Variants in WDR70 observed in about 807,000 individuals in gnomAD.
WDR70 encodes WD repeat domain 70.
WDR70 carries 53 observed loss-of-function variants against 88.6 expected under a neutral mutation model. That is an observed-to-expected ratio of 0.60 (90% CI 0.48 to 0.75). The LOEUF is 0.75. Ranked by LOEUF, WDR70 falls within the 30% of genes least tolerant of loss-of-function variation. The probability of loss-of-function intolerance (pLI) is 0.00; values close to 1 mark genes in which losing one functional copy is unlikely to be tolerated. For missense variants in WDR70, 610 were observed against 823.2 expected, an observed-to-expected ratio of 0.74 and a Z score of 3.17; for synonymous variants, 280 against 270.0, an observed-to-expected ratio of 1.04 and a Z score of -0.36.
At chr5:37,607,395 T>C (rs1463072296) in intron 10 of WDR70, among the ~76,000 whole-genome samples, 1 of 152,232 alleles carries the variant, frequency 6.6e-6, no homozygotes, top group African/African-American at 2.4e-5. Flanking sequence ...ATCTGTATTT[T>C]GTGATGATTA....
At chr5:37,381,859 G>C in intron 3 of WDR70, 174 bp downstream of exon 3, 1 of 445,288 alleles carries the variant, frequency 2.2e-6, no homozygotes, top group Non-Finnish European at 4.2e-6. Context: ...TTTGAGACCA[G>C]CCTGGCCAAC....
At chr5:37,579,988 T>G (rs999558176) in intron 9 of WDR70, among the ~76,000 whole-genome samples, 1 of 152,196 alleles carries the variant, frequency 6.6e-6, no homozygotes, top group Admixed American at 6.5e-5. Flanking sequence ...GGTCATACGC[T>G]TCTTGGAAAA....
intron 9 of WDR70, among the ~76,000 whole-genome samples, chr5:37,537,982 C>T (rs1741711859): frequency 6.6e-6 from 1 of 152,162 alleles, no homozygotes; most frequent in African/African-American, 2.4e-5. Flanking sequence ...GCAAAATTCA[C>T]TCTATATTTC....
At chr5:37,483,923 C>T (rs1210232285) in intron 8 of WDR70, among the ~76,000 whole-genome samples, 72 of 144,496 alleles carry the variant, frequency 5.0e-4, no homozygotes, top group Non-Finnish European at 8.2e-4. Context: ...GACGGGGTCG[C>T]GGCCGGGCAG....
chr5:37,559,240 G>A (rs1742411595), intron 9 of WDR70, among the ~76,000 whole-genome samples: 1 of 152,028 alleles, frequency 6.6e-6, no homozygotes, highest in Non-Finnish European at 1.5e-5. Flanking sequence ...CCAATTCTGT[G>A]TATTCTTATG....
chr5:37,582,784 A>G (rs1281655125), intron 9 of WDR70, among the ~76,000 whole-genome samples: 1 of 152,248 alleles, frequency 6.6e-6, no homozygotes, highest in African/African-American at 2.4e-5. Flanking sequence ...CATCTCTGTG[A>G]TTGTTGGTGT....
At chr5:37,552,976 G>T (rs1409202779) in intron 9 of WDR70, among the ~76,000 whole-genome samples, 1 of 152,150 alleles carries the variant, frequency 6.6e-6, no homozygotes, top group Non-Finnish European at 1.5e-5. Context: ...TTTCCTGTAG[G>T]TACTTTTCAG....
chr5:37,417,048 C>G (rs776400580), intron 5 of WDR70, among the ~76,000 whole-genome samples: 2 of 125,384 alleles, frequency 1.6e-5, no homozygotes, highest in African/African-American at 3.0e-5. Flanking sequence ...TTTTGCTCAA[C>G]AAATATTTTG....
chr5:37,667,713 G>A (rs924143104), intron 10 of WDR70, among the ~76,000 whole-genome samples: 31 of 151,982 alleles, frequency 2.0e-4, no homozygotes, highest in African/African-American at 7.2e-4. Context: ...GAGTCTGTAT[G>A]GTCCTCAAAG....
intron 7 of WDR70, among the ~76,000 whole-genome samples, 179 bp downstream of exon 7, chr5:37,443,551 T>C (rs1738347416): frequency 6.6e-6 from 1 of 152,230 alleles, no homozygotes; most frequent in African/African-American, 2.4e-5. Context: ...ATTTCTTTTG[T>C]TTCATAAACT....
At chr5:37,706,651 C>T (rs1747331974) in intron 13 of WDR70, among the ~76,000 whole-genome samples, 1 of 151,850 alleles carries the variant, frequency 6.6e-6, no homozygotes, top group Non-Finnish European at 1.5e-5. Context: ...GTCAATTAAA[C>T]CTCTTTCCTT....
At chr5:37,572,000 A>G (rs1011786728) in intron 9 of WDR70, among the ~76,000 whole-genome samples, 1 of 152,182 alleles carries the variant, frequency 6.6e-6, no homozygotes, top group Non-Finnish European at 1.5e-5. Flanking sequence ...GCAATAAGTA[A>G]GGATTTCTAA....
rs1400489360 is a variant in WDR70 at position 37,520,904 on chromosome 5, A to C, written c.917+4314A>C. ...AACTACTTTGAGACTTATGCAGGAG[A>C]GACTTTGTGCAGTGTCTTAAGAAAA... On this transcript the variant is annotated intron_variant, in intron 9 of 17. Transcript: ENST00000265107. 2.0e-5 allele frequency among the ~76,000 whole-genome samples: 3 copies of C among 152,236 alleles called. No individual in the cohort carries two copies. The East Asian group carries it at 5.8e-4, about 29-fold the overall frequency.
At chr5:37,419,997 T>A (rs1749896052) in intron 5 of WDR70, among the ~76,000 whole-genome samples, 1 of 151,972 alleles carries the variant, frequency 6.6e-6, no homozygotes, top group African/African-American at 2.4e-5. Context: ...CCTCAGACTT[T>A]CAAAGTGCTG....
chr5:37,734,686 C>A (rs936520814), intron 17 of WDR70, among the ~76,000 whole-genome samples: 1 of 152,092 alleles, frequency 6.6e-6, no homozygotes, highest in East Asian at 1.9e-4. Context: ...CAGGGAAGAA[C>A]GTCTACAAAA....
chr5:37,721,062 G>A, intron 13 of WDR70, 53 bp from the exon 14 acceptor site: 6 of 1,503,772 alleles, frequency 4.0e-6, no homozygotes, highest in Middle Eastern at 1.7e-4. Context: ...CAGCAGGATT[G>A]TTTCCATTTT....
chr5:37,426,649 T>C (rs185536737), intron 5 of WDR70, among the ~76,000 whole-genome samples: 45 of 152,296 alleles, frequency 3.0e-4, no homozygotes, highest in African/African-American at 9.1e-4. Context: ...TTTCCAACAG[T>C]GTATCCAGAC....
At chr5:37,630,922 C>T (rs1561929847) in intron 10 of WDR70, among the ~76,000 whole-genome samples, 1 of 152,098 alleles carries the variant, frequency 6.6e-6, no homozygotes, top group Non-Finnish European at 1.5e-5. Flanking sequence ...GGCATTTCTC[C>T]AGATGGAGCT....
intron 17 of WDR70, among the ~76,000 whole-genome samples, chr5:37,743,319 C>T (rs926713390): frequency 6.6e-6 from 1 of 152,330 alleles, no homozygotes; most frequent in Non-Finnish European, 1.5e-5. Flanking sequence ...ACTTGCAGAC[C>T]CAGGCCAGTG....
Sources: allele counts gnomAD v4.1 joint callset (sites outside exome capture counted in the v4.1 genomes callset), GRCh38; gene constraint gnomAD v4.1.1; transcripts MANE v1.5; gene names NCBI Gene and HGNC (gene_info 2026-07-23, HGNC 2026-07-21).